Variants in CLYBL observed in about 807,000 individuals in gnomAD.
CLYBL encodes the protein citramalyl-CoA lyase, mitochondrial.
In CLYBL, 31 loss-of-function variants were observed where a neutral mutation model predicts 38.9. The observed-to-expected ratio is 0.80, with a 90% CI of 0.60 to 1.08. CLYBL has a LOEUF of 1.08. Among genes scored for constraint, CLYBL ranks in the 50% least tolerant of loss-of-function variants. The pLI, the probability that CLYBL is intolerant of heterozygous loss-of-function variation, is 0.00. For synonymous variants in CLYBL, 171 were observed against 158.6 expected, an observed-to-expected ratio of 1.08 and a Z score of -0.59; for missense variants, 434 against 411.6, an observed-to-expected ratio of 1.05 and a Z score of -0.47.
intron 1 of CLYBL, among the ~76,000 whole-genome samples, chr13:99,717,436 G>GAAAAAAAAAAAAAAAAAAAAATAA (rs1172721313): frequency 3.3e-5 from 3 of 91,084 alleles, no homozygotes; most frequent in Admixed American, 1.3e-4. Flanking sequence ...AAAAAAATTA[G>GAAAAAAAAAAAAAAAAAAAAATAA]AAAAAAAAAA....
intron 2 of CLYBL, among the ~76,000 whole-genome samples, chr13:99,818,494 C>T (rs2050507710): frequency 6.6e-6 from 1 of 151,822 alleles, no homozygotes; most frequent in African/African-American, 2.4e-5. Context: ...CGGACACACA[C>T]TGCCACACTG....
In CLYBL at chr13:99,718,345, G is replaced by C. The variant is rs1274426113; in HGVS notation, c.63-54479G>C. Among the ~76,000 whole-genome samples the C allele has an allele frequency of 2.9e-4, 43 of 147,912 alleles. No individual in the cohort carries two copies. The Admixed American group carries it at 3.0e-3, about 10-fold the overall frequency. ...CTTCTAGGTTTGACTCCTGTTGCCT[G>C]TTAACCTCCCCTGATAGATTAAAAA... On this transcript the variant is annotated intron_variant, in intron 1 of 8. Transcript: ENST00000339105.
chr13:99,855,919 G>GT (rs1191472208), intron 2 of CLYBL, among the ~76,000 whole-genome samples: 1 of 152,194 alleles, frequency 6.6e-6, no homozygotes. Flanking sequence ...GTTAATAAGG[G>GT]TGTCGTATGG....
chr13:99,779,126 G>A (rs1472978077), intron 2 of CLYBL, among the ~76,000 whole-genome samples: 1 of 151,968 alleles, frequency 6.6e-6, no homozygotes, highest in Non-Finnish European at 1.5e-5. Flanking sequence ...TTAATCATTT[G>A]GTTCTGAGTG....
chr13:99,871,183 G>T, intron 7 of CLYBL, 121 bp downstream of exon 7: 1 of 1,153,622 alleles, frequency 8.7e-7, no homozygotes, highest in Non-Finnish European at 1.3e-6. Context: ...GGGGGGAAAG[G>T]GAGGGAACAC....
intron 1 of CLYBL, among the ~76,000 whole-genome samples, chr13:99,607,307 A>AC (rs1253705382): frequency 1.3e-5 from 2 of 151,958 alleles, no homozygotes; most frequent in Non-Finnish European, 2.9e-5. Flanking sequence ...ACTTCTCAAA[A>AC]AAAAAGTGAG....
chr13:99,690,409 C>T (rs1180574808), intron 1 of CLYBL: 1 of 152,194 alleles, frequency 6.6e-6, no homozygotes, highest in Non-Finnish European at 1.5e-5. Flanking sequence ...TACTTCTCTT[C>T]CCTGTGCCCC....
chr13:99,723,945 C>A (rs1187973097), intron 1 of CLYBL, among the ~76,000 whole-genome samples: 1 of 152,054 alleles, frequency 6.6e-6, no homozygotes, highest in African/African-American at 2.4e-5. Flanking sequence ...TTTTTCAATT[C>A]TCCTCCGTGT....
At chr13:99,879,804 G>A (rs924790086) in intron 7 of CLYBL, among the ~76,000 whole-genome samples, 1 of 152,070 alleles carries the variant, frequency 6.6e-6, no homozygotes, top group African/African-American at 2.4e-5. Context: ...GGGCCATTCT[G>A]TGATAAGTGG....
At chr13:99,839,789 G>A (rs933441409) in intron 2 of CLYBL, among the ~76,000 whole-genome samples, 1 of 152,022 alleles carries the variant, frequency 6.6e-6, no homozygotes, top group African/African-American at 2.4e-5. Context: ...GGAAAATGGG[G>A]TATCCATCTC....
chr13:99,716,396 T>TTTTC (rs771257856), intron 1 of CLYBL, among the ~76,000 whole-genome samples: 45 of 123,278 alleles, frequency 3.7e-4, no homozygotes, highest in South Asian at 2.1e-3. Context: ...TTTTCTTTTC[T>TTTTC]TTTTTTTTTT....
chr13:99,795,525 G>A (rs1163726057), intron 2 of CLYBL, among the ~76,000 whole-genome samples: 1 of 152,070 alleles, frequency 6.6e-6, no homozygotes, highest in Non-Finnish European at 1.5e-5. Flanking sequence ...ATGGTGGCAT[G>A]TGCTTGTGGT....
chr13:99,904,515 A>T (rs536549462), intron 8 of CLYBL, among the ~76,000 whole-genome samples: 1 of 152,346 alleles, frequency 6.6e-6, no homozygotes, highest in East Asian at 1.9e-4. Flanking sequence ...TCCCTGAATG[A>T]TTGCAGAAGA....
chr13:99,697,661 CTTTTTTT>C (rs1345788134), intron 1 of CLYBL, among the ~76,000 whole-genome samples: 1 of 135,638 alleles, frequency 7.4e-6, no homozygotes. Context: ...TTCTTTCTTT[CTTTTTTT>C]TTTTTTTTGA....
At chr13:99,730,689 C>T (rs534194830) in intron 1 of CLYBL, among the ~76,000 whole-genome samples, 5 of 152,018 alleles carry the variant, frequency 3.3e-5, no homozygotes, top group African/African-American at 7.2e-5. Flanking sequence ...GGAGTCTTGG[C>T]GGGAGGAGCA....
chr13:99,679,641 A>G (rs757403516), intron 1 of CLYBL, among the ~76,000 whole-genome samples: 2 of 152,126 alleles, frequency 1.3e-5, no homozygotes, highest in Admixed American at 6.6e-5. Flanking sequence ...TAGATCTGCA[A>G]ATGACACATC....
chr13:99,660,163 G>A (rs1046845634), intron 1 of CLYBL, among the ~76,000 whole-genome samples: 2 of 152,110 alleles, frequency 1.3e-5, no homozygotes, highest in African/African-American at 4.8e-5. Flanking sequence ...TGATTAAAAA[G>A]GACATCTGAG....
intron 2 of CLYBL, among the ~76,000 whole-genome samples, chr13:99,807,957 G>T (rs2050264317): frequency 6.6e-6 from 1 of 152,168 alleles, no homozygotes; most frequent in Non-Finnish European, 1.5e-5. Flanking sequence ...GAAAGAATTA[G>T]GATAGATTGT....
At chr13:99,708,350 T>TTTATTTCCCA (rs2048177645) in intron 1 of CLYBL, among the ~76,000 whole-genome samples, 1 of 152,222 alleles carries the variant, frequency 6.6e-6, no homozygotes, top group Non-Finnish European at 1.5e-5. Context: ...ACCTAATTTG[T>TTTATTTCCCA]TTATTTCCCA....
Sources: allele counts gnomAD v4.1 joint callset (sites outside exome capture counted in the v4.1 genomes callset), GRCh38; gene constraint gnomAD v4.1.1; transcripts MANE v1.5; gene names NCBI Gene and HGNC (gene_info 2026-07-23, HGNC 2026-07-21).